Variants in DPP8 observed in about 807,000 individuals in gnomAD.
The protein encoded by DPP8 is DPP VIII.
In DPP8, 31 loss-of-function variants were observed where a neutral mutation model predicts 107.5. The ratio of observed to expected loss-of-function variants is 0.29; its 90% CI spans 0.22 to 0.39. DPP8 has a LOEUF of 0.39. Ranked by LOEUF, DPP8 falls within the 10% of genes least tolerant of loss-of-function variation. The pLI is 1.00. For missense variants in DPP8, 842 were observed against 1,076.1 expected (o/e 0.78, Z 3.04); for synonymous variants, 381 against 356.6 (o/e 1.07, Z -0.77).
At chr15:65,505,549 G>A (rs1434642855) in intron 3 of DPP8, among the ~76,000 whole-genome samples, 3 of 152,042 alleles carry the variant, frequency 2.0e-5, no homozygotes, top group African/African-American at 7.2e-5. Context: ...GAAAATTATC[G>A]TTATTTCAGT....
rs1234699582 is a variant in DPP8 at position 65,443,413 on chromosome 15, C to T, written c.*3471G>A. On this transcript the variant is annotated 3_prime_UTR_variant, in exon 20 of 20. Transcript: ENST00000300141. ...AATGCATGATTTAATAATGAGAAAT[C>T]TTATAGGAATCATTCCACCTAAAGA... is the stretch of plus-strand genomic sequence containing the variant. 6.6e-6 allele frequency: 1 copy of T among 151,552 alleles called. No homozygotes were observed. Among genetic ancestry groups the T allele is most frequent in the Non-Finnish European group, 1.5e-5 (1 of 68,008 alleles). The allele number at this position is 151,552 out of a possible 1,614,324, so 9.4% of individuals were successfully genotyped here. A position where few individuals can be genotyped will look rare whatever the true frequency, so the allele number is the denominator to read the frequency against.
intron 5 of DPP8, among the ~76,000 whole-genome samples, chr15:65,492,753 C>A (rs2140921796): frequency 6.6e-6 from 1 of 152,004 alleles, no homozygotes; most frequent in South Asian, 2.1e-4. Context: ...TGTCACTAAG[C>A]CCAGCTAATT....
intron 11 of DPP8, chr15:65,475,457 G>C (rs952441172): frequency 4.4e-5 from 69 of 1,567,388 alleles, no homozygotes; most frequent in Non-Finnish European, 5.9e-5. Context: ...CCAGGGTCCA[G>C]AGCTGCAGGG....
rs139449681 is a variant in DPP8 at position 65,481,983 on chromosome 15, T to C, written c.1018-368A>G. Among the ~76,000 whole-genome samples, 598 of 142,190 alleles carry C rather than the reference T, an allele frequency of 4.2e-3. 4 individuals are homozygous for C. The highest frequency in any genetic ancestry group is 0.014 in the African/African-American group (511 of 36,190). The allele number at this position is 142,190 out of a possible 152,430, so 93.3% of individuals were successfully genotyped here. ...TCACCTAGAAATATATATATATATA[T>C]ACACACACTAATTATATTTTATTTA... On this transcript the variant is annotated intron_variant, in intron 8 of 19. Transcript: ENST00000300141.
chr15:65,477,715 G>A (rs979159331), intron 11 of DPP8, among the ~76,000 whole-genome samples: 1 of 151,674 alleles, frequency 6.6e-6, no homozygotes, highest in Non-Finnish European at 1.5e-5. Flanking sequence ...TGTATTTTTA[G>A]TAGAGAGGGG....
chr15:65,466,766 G>C lies in DPP8; in HGVS notation c.1737C>G (p.His579Gln). The stretch of plus-strand genomic sequence containing the variant: ...TTGATAGCTTGTAAAGGGACACACA[G>C]TGTGGATTCTTCTGGTTACTATACT... ...ISKYSNQKNP[H>Q]CVSLYKLSSP... The change falls in exon 14 of 20, where the codon CAC becomes CAG. Residue 579 changes from histidine to glutamine, a missense_variant. Physicochemically the swap from His to Gln is conservative, Grantham distance 24. This residue lies in a region of DPP8 where 663 missense variants were observed against 758.0 expected (regional missense o/e 0.87). Coordinates refer to ENST00000300141, the MANE Select transcript of DPP8 (RefSeq NM_130434.5). 1.2e-6 allele frequency: 2 copies of C among 1,613,840 alleles called. No individual in the cohort carries two copies. The highest frequency in any genetic ancestry group is 1.7e-6 in the Non-Finnish European group (2 of 1,179,718).
chr15:65,502,030 C>T (rs2069296317), intron 3 of DPP8, among the ~76,000 whole-genome samples: 1 of 152,148 alleles, frequency 6.6e-6, no homozygotes, highest in African/African-American at 2.4e-5. Context: ...GGTGGGATTA[C>T]ACACTTGTGC....
chr15:65,475,525 A>G, intron 11 of DPP8: 4 of 1,398,718 alleles, frequency 2.9e-6, no homozygotes, highest in Non-Finnish European at 4.0e-6. Context: ...TAAAGGCATT[A>G]AAACCAGCCC....
At chr15:65,506,653 TATAAAC>T (rs1288590792) in intron 3 of DPP8, among the ~76,000 whole-genome samples, 12 of 148,668 alleles carry the variant, frequency 8.1e-5, no homozygotes, top group Non-Finnish European at 1.3e-4. Context: ...ATATAAAATA[TATAAAC>T]ATATAAACAT....
At chr15:65,459,042 A>G (rs957351935) in intron 15 of DPP8, 21 of 138,306 alleles carry the variant, frequency 1.5e-4, no homozygotes, top group African/African-American at 5.5e-4. Flanking sequence ...TTTAACCTTA[A>G]AAAAAAAAAA....
intron 1 of DPP8, among the ~76,000 whole-genome samples, chr15:65,514,194 CATG>C (rs1287173690): frequency 1.3e-5 from 2 of 152,140 alleles, no homozygotes; most frequent in Non-Finnish European, 2.9e-5. Context: ...TGTCTTTTTT[CATG>C]CTACAGTTAC....
chr15:65,508,317 C>T (rs1191289947), intron 2 of DPP8, among the ~76,000 whole-genome samples: 1 of 151,754 alleles, frequency 6.6e-6, no homozygotes, highest in Non-Finnish European at 1.5e-5. Flanking sequence ...AATATTAAAA[C>T]AATACAGAAT....
intron 3 of DPP8, among the ~76,000 whole-genome samples, chr15:65,506,794 G>A (rs1052485773): frequency 1.3e-5 from 2 of 150,300 alleles, no homozygotes; most frequent in African/African-American, 2.4e-5. Flanking sequence ...AAAATATTGG[G>A]GGAAATAAAA....
rs539137842 is a variant in DPP8, at chr15:65,446,720, A to G, written c.*164T>C. ...TGTGGGGTTAAGGTATTAGATTACT[A>G]CCACAAACCGTAGACCCCTGCATGG... On this transcript the variant is annotated 3_prime_UTR_variant, in exon 20 of 20. Transcript: ENST00000300141. The G allele has an allele frequency of 1.7e-5, 8 of 476,810 alleles. No individual in the cohort carries two copies. The highest frequency in any genetic ancestry group is 4.3e-5 in the Admixed American group (1 of 23,440). The allele number at this position is 476,810 out of a possible 1,614,324, so 29.5% of individuals were successfully genotyped here. A position where few individuals can be genotyped will look rare whatever the true frequency, so the allele number is the denominator to read the frequency against.
rs1048556769 is a variant in DPP8 at position 65,443,885 on chromosome 15, G to A, written c.*2999C>T. 1 of 152,074 alleles carries A rather than the reference G, an allele frequency of 6.6e-6. No homozygotes were observed. The highest frequency in any genetic ancestry group is 2.1e-4 in the South Asian group (1 of 4,816). 9.4% of individuals were successfully genotyped at this position (152,074 alleles called of 1,614,324 possible). A position where few individuals can be genotyped will look rare whatever the true frequency, so the allele number is the denominator to read the frequency against. On this transcript the variant is annotated 3_prime_UTR_variant, in exon 20 of 20. Coordinates refer to ENST00000300141, the MANE Select transcript of DPP8 (RefSeq NM_130434.5). The stretch of plus-strand genomic sequence containing the variant: ...AGCTTGTTAGAAATGCACATTCCTG[G>A]TGTCTACCCAAATCAATGGAATACA...
At chr15:65,464,046 T>A in intron 14 of DPP8, 140 bp from the exon 15 acceptor site, 1 of 631,686 alleles carries the variant, frequency 1.6e-6, no homozygotes, top group Non-Finnish European at 2.6e-6. Context: ...AGCTAGAATT[T>A]AAGCAAGAGT....
chr15:65,449,533 C>T (rs964600614), intron 19 of DPP8, among the ~76,000 whole-genome samples: 1 of 151,910 alleles, frequency 6.6e-6, no homozygotes, highest in African/African-American at 2.4e-5. Context: ...CCTCAGCTTC[C>T]TGAGTAGTTG....
At chr15:65,515,124 A>C (rs1030844146) in intron 1 of DPP8, among the ~76,000 whole-genome samples, 1 of 152,212 alleles carries the variant, frequency 6.6e-6, no homozygotes, top group Non-Finnish European at 1.5e-5. Context: ...GACCACAGGA[A>C]TGCATCACCA....
At chr15:65,476,337 A>T (rs781770737) in intron 11 of DPP8, among the ~76,000 whole-genome samples, 2 of 152,166 alleles carry the variant, frequency 1.3e-5, no homozygotes, top group Admixed American at 6.5e-5. Flanking sequence ...TAATTTTTTT[A>T]AAACATAAAA....
Sources: gnomAD v4.1 joint callset for allele counts (sites outside exome capture counted in the v4.1 genomes callset) on GRCh38, gnomAD v4.1.1 for gene constraint, gnomAD v4.1.1 regional missense constraint, MANE v1.5 for transcripts, NCBI Gene and HGNC (gene_info 2026-07-23, HGNC 2026-07-21) for gene names.